The following PTPN13 variants were observed in gnomAD, a reference collection of about 807,000 sequenced individuals.
The protein encoded by PTPN13 is tyrosine-protein phosphatase non-receptor type 13.
Under a neutral mutation model 284.0 loss-of-function variants are expected in PTPN13, and 191 were observed. The ratio of observed to expected loss-of-function variants is 0.67; its 90% CI spans 0.60 to 0.76. The LOEUF is 0.76. PTPN13 is among the 30% of genes least tolerant of loss of function. The probability of loss-of-function intolerance (pLI) is 0.00; values close to 1 mark genes in which losing one functional copy is unlikely to be tolerated. For missense variants in PTPN13, 2,797 were observed against 2,939.9 expected, an observed-to-expected ratio of 0.95 and a Z score of 1.12; for synonymous variants, 986 against 1,022.3, an observed-to-expected ratio of 0.96 and a Z score of 0.68.
rs756650769 is a variant in PTPN13 at position 86,758,957 on chromosome 4, C to T, written c.3437C>T (p.Ser1146Phe). ...GCLKPGDRLI[S>F]VNSVSLEGVS... The stretch of plus-strand genomic sequence containing the variant: ...ATTTGTACAGGAGACCGTTTGATAT[C>T]TGTGAATAGTGTGAGTCTGGAGGGA... Residue 1146 changes from serine (S) to phenylalanine (F), a missense_variant, in exon 23 of 48, where the codon TCT (serine) becomes TTT (phenylalanine). Transcript: ENST00000411767. The T allele has an allele frequency of 1.2e-6, 2 of 1,613,442 alleles. No individual in the cohort carries two copies. The highest frequency in any genetic ancestry group is 4.5e-5 in the East Asian group (2 of 44,872).
intron 20 of PTPN13, among the ~76,000 whole-genome samples, chr4:86,754,589 C>T (rs1737766089): frequency 6.6e-6 from 1 of 151,882 alleles, no homozygotes; most frequent in African/African-American, 2.4e-5. Flanking sequence ...TGAACAAAGG[C>T]AATCTGTTTC....
At chr4:86,722,748 T>C (rs1237986322) in intron 10 of PTPN13, among the ~76,000 whole-genome samples, 1 of 152,220 alleles carries the variant, frequency 6.6e-6, no homozygotes, top group Non-Finnish European at 1.5e-5. Context: ...TATTTTTTCA[T>C]ATTAAGAAAT....
chr4:86,609,605 C>T (rs1017245380), intron 1 of PTPN13, among the ~76,000 whole-genome samples: 1 of 152,110 alleles, frequency 6.6e-6, no homozygotes, highest in African/African-American at 2.4e-5. Flanking sequence ...AAGTATTCAT[C>T]TTTTATATAT....
At chr4:86,762,632 A>G in intron 23 of PTPN13, 95 bp from the exon 24 acceptor site, 2 of 989,830 alleles carry the variant, frequency 2.0e-6, no homozygotes, top group Non-Finnish European at 3.0e-6. Flanking sequence ...TCATCCTTAT[A>G]AAATCCTTCC....
chr4:86,756,131 A>G (rs1737935386), intron 20 of PTPN13, among the ~76,000 whole-genome samples: 1 of 151,944 alleles, frequency 6.6e-6, no homozygotes, highest in Non-Finnish European at 1.5e-5. Flanking sequence ...GAAGGAGGAA[A>G]TGGAAATTTA....
intron 37 of PTPN13, among the ~76,000 whole-genome samples, chr4:86,783,340 T>A (rs1741540305): frequency 6.6e-6 from 1 of 152,176 alleles, no homozygotes; most frequent in African/African-American, 2.4e-5. Flanking sequence ...ATGTCTTCAA[T>A]TTCACATAGC....
At chr4:86,724,713 A>AT (rs531821398) in intron 10 of PTPN13, among the ~76,000 whole-genome samples, 380 of 151,114 alleles carry the variant, frequency 2.5e-3, no homozygotes, top group Non-Finnish European at 3.8e-3. Flanking sequence ...AATGTTTAGG[A>AT]TTTTTTTTTC....
At chr4:86,702,440 T>C (rs1731267473) in intron 7 of PTPN13, among the ~76,000 whole-genome samples, 1 of 152,202 alleles carries the variant, frequency 6.6e-6, no homozygotes, top group African/African-American at 2.4e-5. Flanking sequence ...TTGGGCTTCA[T>C]CTCTCCAAGT....
chr4:86,623,163 C>T (rs1338010408), intron 1 of PTPN13, among the ~76,000 whole-genome samples: 2 of 152,144 alleles, frequency 1.3e-5, no homozygotes, highest in Non-Finnish European at 2.9e-5. Flanking sequence ...CTGAAAACCT[C>T]CCGGGGGTCT....
intron 20 of PTPN13, among the ~76,000 whole-genome samples, chr4:86,755,285 C>T (rs1457797488): frequency 1.3e-5 from 2 of 151,520 alleles, no homozygotes; most frequent in African/African-American, 4.8e-5. Flanking sequence ...TAATCTCACA[C>T]TTTGAAAAGG....
intron 2 of PTPN13, among the ~76,000 whole-genome samples, chr4:86,637,343 T>A (rs1157173098): frequency 2.6e-5 from 4 of 152,070 alleles, no homozygotes; most frequent in African/African-American, 4.8e-5. Context: ...GCCAGCATCA[T>A]CCTGATACCA....
chr4:86,686,251 A>G (rs1258244488), intron 3 of PTPN13, among the ~76,000 whole-genome samples: 1 of 152,060 alleles, frequency 6.6e-6, no homozygotes, highest in Non-Finnish European at 1.5e-5. Context: ...AACCCCAGCT[A>G]CTGGGGAGGC....
chr4:86,636,272 G>A (rs1375958389), intron 2 of PTPN13, among the ~76,000 whole-genome samples: 2 of 152,200 alleles, frequency 1.3e-5, no homozygotes, highest in East Asian at 3.9e-4. Flanking sequence ...CCCTGTGGAG[G>A]AGGTCACTTG....
intron 20 of PTPN13, among the ~76,000 whole-genome samples, chr4:86,757,358 A>G (rs1360333854): frequency 1.3e-5 from 2 of 152,210 alleles, no homozygotes; most frequent in Admixed American, 6.5e-5. Flanking sequence ...CTGCAAAACA[A>G]TGGTTAAAAA....
intron 16 of PTPN13, among the ~76,000 whole-genome samples, chr4:86,743,483 A>G (rs776654728): frequency 7.6e-4 from 116 of 152,240 alleles, no homozygotes; most frequent in Non-Finnish European, 1.4e-3. Flanking sequence ...AGGGGAAAAA[A>G]AAAATGTTCT....
intron 45 of PTPN13, 67 bp from the exon 46 acceptor site, chr4:86,809,702 A>G (rs1745022633): frequency 6.9e-7 from 1 of 1,454,138 alleles, no homozygotes; most frequent in African/African-American, 1.4e-5. Context: ...AGAAAGAAAA[A>G]AAAGAATTAA....
chr4:86,758,379 A>G (rs757176213), intron 21 of PTPN13, 30 bp downstream of exon 21: 24 of 1,526,702 alleles, frequency 1.6e-5, no homozygotes, highest in Middle Eastern at 3.4e-4. Context: ...TTGAAGGTCT[A>G]TGATTGTTGG....
chr4:86,717,785 C>T (rs1160875243), intron 9 of PTPN13, among the ~76,000 whole-genome samples: 1 of 152,098 alleles, frequency 6.6e-6, no homozygotes, highest in East Asian at 1.9e-4. Flanking sequence ...TAGTCTCAGC[C>T]AGCAAGCTTT....
At chr4:86,682,752 C>T (rs542058920) in intron 3 of PTPN13, among the ~76,000 whole-genome samples, 1 of 152,160 alleles carries the variant, frequency 6.6e-6, no homozygotes, top group African/African-American at 2.4e-5. Flanking sequence ...GATCTTTATC[C>T]CTGTGTCTTT....
Sources: allele counts gnomAD v4.1 joint callset (sites outside exome capture counted in the v4.1 genomes callset), GRCh38; gene constraint gnomAD v4.1.1; transcripts MANE v1.5; gene names NCBI Gene and HGNC (gene_info 2026-07-23, HGNC 2026-07-21).